The following EYS variants were observed in gnomAD, a reference collection of about 807,000 sequenced individuals.
The protein encoded by EYS is protein eyes shut homolog.
In EYS, 250 loss-of-function variants were observed where a neutral mutation model predicts 282.1. That is an observed-to-expected ratio of 0.89 (90% CI 0.80 to 0.98). EYS has a LOEUF of 0.98. Ranked by LOEUF, EYS falls within the 50% of genes least tolerant of loss-of-function variation. EYS has a pLI of 0.00. For missense variants in EYS, 4,016 were observed against 3,709.0 expected (o/e 1.08, Z -2.15); for synonymous variants, 1,355 against 1,282.9 (o/e 1.06, Z -1.20).
At chr6:64,778,164 T>C (rs1773737040) in intron 22 of EYS, among the ~76,000 whole-genome samples, 1 of 152,134 alleles carries the variant, frequency 6.6e-6, no homozygotes. Flanking sequence ...AATGCCTTCA[T>C]GATTGGTGAA....
chr6:65,628,718 C>G (rs1163523878), intron 2 of EYS, among the ~76,000 whole-genome samples: 4 of 152,016 alleles, frequency 2.6e-5, no homozygotes, highest in Admixed American at 6.6e-5. Context: ...GACCACGAAC[C>G]CACCAGAAGG....
At chr6:64,164,447 T>A (rs1775204441) in intron 31 of EYS, among the ~76,000 whole-genome samples, 1 of 152,142 alleles carries the variant, frequency 6.6e-6, no homozygotes, top group Non-Finnish European at 1.5e-5. Context: ...ATTGAGGAAC[T>A]ACTAAAGCAC....
intron 7 of EYS, among the ~76,000 whole-genome samples, chr6:65,397,212 T>G (rs1766310721): frequency 6.6e-6 from 1 of 151,938 alleles, no homozygotes; most frequent in Admixed American, 6.6e-5. Flanking sequence ...TTATTTTACA[T>G]TTAGAGACTA....
At chr6:65,532,981 G>A (rs886757020) in intron 2 of EYS, among the ~76,000 whole-genome samples, 1 of 151,660 alleles carries the variant, frequency 6.6e-6, no homozygotes, top group Non-Finnish European at 1.5e-5. Flanking sequence ...TTTTAACTTT[G>A]CAATTGTCGA....
intron 33 of EYS, among the ~76,000 whole-genome samples, chr6:64,037,088 T>C (rs1770159453): frequency 6.6e-6 from 1 of 152,228 alleles, no homozygotes; most frequent in Admixed American, 6.5e-5. Context: ...AAAATGTGGT[T>C]ATATACTACC....
intron 26 of EYS, among the ~76,000 whole-genome samples, chr6:64,547,034 C>T (rs1412775046): frequency 6.6e-6 from 1 of 152,058 alleles, no homozygotes; most frequent in African/African-American, 2.4e-5. Flanking sequence ...GAGTTTGTTC[C>T]CTCTGATGTT....
At chr6:64,078,890 T>C (rs1051410089) in intron 32 of EYS, among the ~76,000 whole-genome samples, 2 of 152,052 alleles carry the variant, frequency 1.3e-5, no homozygotes, top group African/African-American at 4.8e-5. Context: ...AGATAACACA[T>C]CCAAGTGTTG....
In EYS at chr6:65,201,264, G is replaced by A. The variant is rs144096743; in HGVS notation, c.2023+94599C>T. 3.7e-3 allele frequency among the ~76,000 whole-genome samples: 561 copies of A among 152,190 alleles called. 3 individuals are homozygous for A. The highest frequency in any genetic ancestry group is 0.013 in the African/African-American group (521 of 41,540). On this transcript the variant is annotated intron_variant, in intron 12 of 42. Transcript: ENST00000503581. ...TCTGACATAACATTTAAATTTAAAA[G>A]CACAAATTATTGACTTAGTATGTTA...
intron 31 of EYS, among the ~76,000 whole-genome samples, chr6:64,195,330 G>A (rs559081278): frequency 6.6e-6 from 1 of 152,068 alleles, no homozygotes. Flanking sequence ...TGTATTTGAG[G>A]TATATACTGT....
chr6:64,844,935 A>G (rs1328029178), intron 19 of EYS, among the ~76,000 whole-genome samples: 1 of 152,134 alleles, frequency 6.6e-6, no homozygotes, highest in Non-Finnish European at 1.5e-5. Context: ...CTCATTAGCT[A>G]TTAGACACAG....
At chr6:64,203,212 T>C (rs934620498) in intron 31 of EYS, among the ~76,000 whole-genome samples, 1 of 152,160 alleles carries the variant, frequency 6.6e-6, no homozygotes, top group Non-Finnish European at 1.5e-5. Flanking sequence ...AATCCATGAC[T>C]GGAAGCCAGT....
chr6:64,879,056 T>G (rs563039190), intron 19 of EYS, among the ~76,000 whole-genome samples: 3 of 152,284 alleles, frequency 2.0e-5, no homozygotes, highest in Admixed American at 6.6e-5. Context: ...AAAAAATAAG[T>G]TGAATTTTAT....
At chr6:64,134,732 C>T (rs769198185) in intron 31 of EYS, among the ~76,000 whole-genome samples, 15 of 151,908 alleles carry the variant, frequency 9.9e-5, no homozygotes, top group Admixed American at 9.8e-4. Context: ...GAGTAAAGAT[C>T]GAGATTCAGC....
At chr6:65,358,552 C>T (rs1764580523) in intron 8 of EYS, among the ~76,000 whole-genome samples, 1 of 150,174 alleles carries the variant, frequency 6.7e-6, no homozygotes, top group African/African-American at 2.5e-5. Context: ...CTGTATTTGG[C>T]ATGCCATGAG....
intron 11 of EYS, among the ~76,000 whole-genome samples, chr6:65,319,396 A>G (rs1251999922): frequency 6.6e-6 from 1 of 150,868 alleles, no homozygotes; most frequent in African/African-American, 2.4e-5. Context: ...AATAATATAT[A>G]TATATATTTT....
chr6:64,681,504 G>T (rs901147909), intron 22 of EYS, among the ~76,000 whole-genome samples: 1 of 152,156 alleles, frequency 6.6e-6, no homozygotes, highest in Non-Finnish European at 1.5e-5. Flanking sequence ...AGGTAGTTAG[G>T]CAGTTAGACA....
chr6:64,475,289 C>A lies in EYS; in HGVS notation c.5645-35937G>T, dbSNP rs1471486201. On this transcript the variant is annotated intron_variant, in intron 26 of 42. Transcript: ENST00000503581. ...AGAAAAGGCCGGGCGCGGTGGCTCA[C>A]GCCTGTAATCCCAGCACTTTGGGAG... Among the ~76,000 whole-genome samples the A allele has an allele frequency of 1.1e-4, 8 of 71,120 alleles. 2 individuals are homozygous for A. The highest frequency in any genetic ancestry group is 2.7e-4 in the Non-Finnish European group (8 of 29,994). The allele number at this position is 71,120 out of a possible 152,430, so 46.7% of individuals were successfully genotyped here. A position where few individuals can be genotyped will look rare whatever the true frequency, so the allele number is the denominator to read the frequency against.
chr6:64,941,744 A>G (rs185871772), intron 15 of EYS, among the ~76,000 whole-genome samples: 12 of 152,240 alleles, frequency 7.9e-5, no homozygotes, highest in Admixed American at 7.9e-4. Flanking sequence ...ATTCACCTAG[A>G]ATAATGGCCT....
intron 13 of EYS, among the ~76,000 whole-genome samples, chr6:65,020,487 G>T (rs1306823413): frequency 6.6e-6 from 1 of 152,142 alleles, no homozygotes; most frequent in Non-Finnish European, 1.5e-5. Context: ...CCATGGCTTT[G>T]GGCAGCTCTG....
Sources: gnomAD v4.1 joint callset for allele counts (sites outside exome capture counted in the v4.1 genomes callset) on GRCh38, gnomAD v4.1.1 for gene constraint, MANE v1.5 for transcripts, NCBI Gene and HGNC (gene_info 2026-07-23, HGNC 2026-07-21) for gene names.